The following UNC5C variants were observed in gnomAD, a reference collection of about 807,000 sequenced individuals.
The protein encoded by UNC5C is unc-5 netrin receptor C, also known as netrin receptor UNC5C.
In UNC5C, 47 loss-of-function variants were observed where a neutral mutation model predicts 99.8. That is an observed-to-expected ratio of 0.47 (90% confidence interval 0.37 to 0.60). The LOEUF is 0.60. Among genes scored for constraint, UNC5C ranks in the 20% least tolerant of loss-of-function variants. The pLI is 0.00. For synonymous variants in UNC5C, 487 were observed against 452.2 expected (o/e 1.08, Z -0.98); for missense variants, 1,062 against 1,165.9 (o/e 0.91, Z 1.30).
intron 11 of UNC5C, 66 bp downstream of exon 11, chr4:95,206,562 A>C: frequency 1.2e-6 from 2 of 1,600,190 alleles, no homozygotes; most frequent in Non-Finnish European, 1.7e-6. Context: ...AAGGCCTCCC[A>C]TAATTGCTCC....
At chr4:95,172,761 TTC>T (rs1736176315) in intron 14 of UNC5C, among the ~76,000 whole-genome samples, 1 of 152,030 alleles carries the variant, frequency 6.6e-6, no homozygotes, top group African/African-American at 2.4e-5. Flanking sequence ...AAGTAGTTTT[TTC>T]CAATTCTGTG....
intron 12 of UNC5C, among the ~76,000 whole-genome samples, chr4:95,198,182 T>C (rs1737509528): frequency 2.6e-5 from 4 of 151,974 alleles, no homozygotes; most frequent in Admixed American, 2.6e-4. Context: ...AGAGACGGGG[T>C]TTCACCATGT....
intron 1 of UNC5C, among the ~76,000 whole-genome samples, chr4:95,368,652 A>T (rs1213730555): frequency 2.6e-5 from 4 of 152,176 alleles, no homozygotes; most frequent in African/African-American, 4.8e-5. Flanking sequence ...GATGTTCTCA[A>T]AGTCCAGGTG....
At chr4:95,543,403 T>G (rs1336061190) in intron 1 of UNC5C, among the ~76,000 whole-genome samples, 1 of 152,204 alleles carries the variant, frequency 6.6e-6, no homozygotes, top group Non-Finnish European at 1.5e-5. Context: ...ATGCAAATAT[T>G]TCACCAAAAT....
At chr4:95,477,303 T>C (rs1236896901) in intron 1 of UNC5C, among the ~76,000 whole-genome samples, 1 of 151,998 alleles carries the variant, frequency 6.6e-6, no homozygotes, top group Non-Finnish European at 1.5e-5. Flanking sequence ...GGTTAAACTA[T>C]ATGAAATGAT....
At chr4:95,358,573 A>C (rs2626074) in intron 1 of UNC5C, among the ~76,000 whole-genome samples, 77,957 of 151,966 alleles carry the variant, frequency 0.51, 20,889 homozygotes, top group African/African-American at 0.65. Flanking sequence ...AATTATTAAA[A>C]CTTCAAGTGG....
At chr4:95,229,519 G>A (rs1315524178) in intron 7 of UNC5C, among the ~76,000 whole-genome samples, 2 of 152,116 alleles carry the variant, frequency 1.3e-5, no homozygotes, top group Non-Finnish European at 2.9e-5. Flanking sequence ...TCTTTAAGCA[G>A]TCTATCATTG....
chr4:95,544,679 C>T (rs1200642931), intron 1 of UNC5C, among the ~76,000 whole-genome samples: 1 of 152,122 alleles, frequency 6.6e-6, no homozygotes, highest in African/African-American at 2.4e-5. Context: ...CTTCTAATAC[C>T]ATACTCTATC....
At chr4:95,377,193 T>C (rs1253194525) in intron 1 of UNC5C, among the ~76,000 whole-genome samples, 1 of 152,164 alleles carries the variant, frequency 6.6e-6, no homozygotes, top group Non-Finnish European at 1.5e-5. Context: ...TTAATATTAT[T>C]TCAAAATCAC....
chr4:95,459,968 G>A (rs1003447564), intron 1 of UNC5C, among the ~76,000 whole-genome samples: 15 of 152,078 alleles, frequency 9.9e-5, no homozygotes, highest in African/African-American at 3.6e-4. Flanking sequence ...ATTTTAAATG[G>A]CAACAGATTA....
chr4:95,311,273 G>A (rs1186893288), intron 2 of UNC5C, among the ~76,000 whole-genome samples: 2 of 152,000 alleles, frequency 1.3e-5, no homozygotes, highest in Non-Finnish European at 2.9e-5. Flanking sequence ...TATGCCTTGT[G>A]TGTCAATATT....
At chr4:95,315,738 G>T (rs1466173583) in intron 2 of UNC5C, among the ~76,000 whole-genome samples, 1 of 152,136 alleles carries the variant, frequency 6.6e-6, no homozygotes, top group African/African-American at 2.4e-5. Context: ...TAAAGATGAT[G>T]ACATTTGCAT....
chr4:95,353,779 C>G (rs1266209319), intron 1 of UNC5C, among the ~76,000 whole-genome samples: 3 of 151,884 alleles, frequency 2.0e-5, no homozygotes, highest in Non-Finnish European at 4.4e-5. Context: ...ATAGTTATAA[C>G]CAACGATAAG....
intron 4 of UNC5C, among the ~76,000 whole-genome samples, chr4:95,264,452 G>A (rs1278622618): frequency 6.6e-6 from 1 of 152,096 alleles, no homozygotes; most frequent in Non-Finnish European, 1.5e-5. Context: ...GATGGCATAT[G>A]TCTGTTTCAA....
At chr4:95,265,864 C>T (rs1227441893) in intron 4 of UNC5C, among the ~76,000 whole-genome samples, 1 of 152,138 alleles carries the variant, frequency 6.6e-6, no homozygotes, top group Non-Finnish European at 1.5e-5. Flanking sequence ...ATGGAGGGTG[C>T]ATCCCTCCTG....
At chr4:95,321,494 C>T (rs1413703866) in intron 2 of UNC5C, among the ~76,000 whole-genome samples, 1 of 149,146 alleles carries the variant, frequency 6.7e-6, no homozygotes, top group Non-Finnish European at 1.5e-5. Flanking sequence ...AGTTCTAGAA[C>T]TCTGATCTAA....
At chr4:95,540,762 C>T (rs967600457) in intron 1 of UNC5C, among the ~76,000 whole-genome samples, 7 of 152,166 alleles carry the variant, frequency 4.6e-5, no homozygotes, top group African/African-American at 7.2e-5. Flanking sequence ...CATAGACATA[C>T]AGTTCAAAGT....
intron 15 of UNC5C, 76 bp from the exon 16 acceptor site, chr4:95,169,475 C>T (rs1362094909): frequency 6.6e-7 from 1 of 1,520,778 alleles, no homozygotes. Context: ...ACCTTTCTGT[C>T]TCTCTACTTG....
chr4:95,214,875 A>G (rs1002832381), intron 10 of UNC5C, among the ~76,000 whole-genome samples: 2 of 152,234 alleles, frequency 1.3e-5, no homozygotes, highest in Non-Finnish European at 2.9e-5. Context: ...GGGAGCTTTG[A>G]GGGCCTGTGA....
Sources: allele counts gnomAD v4.1 joint callset (sites outside exome capture counted in the v4.1 genomes callset), GRCh38; gene constraint gnomAD v4.1.1; transcripts MANE v1.5; gene names NCBI Gene and HGNC (gene_info 2026-07-23, HGNC 2026-07-21).